KIT: variants seen among roughly 807,000 people sequenced by gnomAD.
The protein encoded by KIT is KIT proto-oncogene, receptor tyrosine kinase.
In KIT, 16 loss-of-function variants were observed where a neutral mutation model predicts 105.7. That is an observed-to-expected ratio of 0.15 (90% CI 0.10 to 0.23). The LOEUF (loss-of-function observed/expected upper bound fraction) is 0.23, where lower values mean the gene tolerates loss of function less well. Ranked by LOEUF, KIT falls within the 10% of genes least tolerant of loss-of-function variation. The probability of loss-of-function intolerance (pLI) is 1.00; values close to 1 mark genes in which losing one functional copy is unlikely to be tolerated. For synonymous variants in KIT, 438 were observed against 441.1 expected (o/e 0.99, Z 0.09); for missense variants, 858 against 1,213.8 (o/e 0.71, Z 4.36).
chr4:54,736,796 G>C lies in KIT; in HGVS notation c.2672G>C (p.Ser891Thr). Reference sequence around the variant, plus strand: ...ATCAAGGAAGGCTTCCGGATGCTCAGCCCTGAACACGCACCTGCTGAAATG... The same window carrying C: ...ATCAAGGAAGGCTTCCGGATGCTCACCCCTGAACACGCACCTGCTGAAATG... ...KMIKEGFRML[S>T]PEHAPAEMYD... Residue 891 changes from serine (S) to threonine (T), a missense_variant, in exon 19 of 21, where the codon AGC becomes ACC. Physicochemically the swap from Ser to Thr is moderately conservative, Grantham distance 58. This residue lies in a region of KIT where 63 missense variants were observed against 137.4 expected (regional missense o/e 0.46). Coordinates refer to ENST00000288135, the MANE Select transcript of KIT (RefSeq NM_000222.3). The C allele has an allele frequency of 6.2e-7, 1 of 1,614,114 alleles. No homozygotes were observed. The highest frequency in any genetic ancestry group is 8.5e-7 in the Non-Finnish European group (1 of 1,179,968).
At chr4:54,711,923 C>T (rs1029452804) in intron 7 of KIT, among the ~76,000 whole-genome samples, 6 of 141,778 alleles carry the variant, frequency 4.2e-5, no homozygotes, top group Middle Eastern at 3.7e-3. Context: ...AACGAGAGTC[C>T]GTCTCAAAAA....
At chr4:54,685,368 T>C (rs995839038) in intron 1 of KIT, among the ~76,000 whole-genome samples, 3 of 152,084 alleles carry the variant, frequency 2.0e-5, no homozygotes, top group African/African-American at 7.3e-5. Context: ...GCACCCCATC[T>C]CCCCATCATG....
rs1722903299 is a variant in KIT, at chr4:54,736,004, A to G, written c.2485-494A>G. On this transcript the variant is annotated intron_variant, in intron 17 of 20. Coordinates refer to ENST00000288135, the MANE Select transcript of KIT (RefSeq NM_000222.3). The stretch of plus-strand genomic sequence containing the variant: ...AGAGGGCAGAGGGCACGTGCCAGCT[A>G]TATTGTAAGGAGGTTTTCCTGAAGC... Among the ~76,000 whole-genome samples the G allele has an allele frequency of 2.0e-5, 3 of 152,264 alleles. No individual in the cohort carries two copies. The South Asian group carries it at 6.2e-4, about 32-fold the overall frequency.
chr4:54,731,417 T>C lies in KIT; in HGVS notation c.2231T>C (p.Ile744Thr), dbSNP rs549887751. 15 of 1,605,986 alleles carry C rather than the reference T, an allele frequency of 9.3e-6. No individual in the cohort carries two copies. In the East Asian group the frequency reaches 2.5e-4, roughly 26 times the overall value. Residue 744 changes from isoleucine (I) to threonine (T), a missense_variant and splice_region_variant, in exon 15 of 21, where the codon ATA becomes ACA. By Grantham distance (89) the Ile-to-Thr change is moderately conservative. Coordinates refer to ENST00000288135, the MANE Select transcript of KIT (RefSeq NM_000222.3). ...TKADKRRSVR[I>T]GSYIERDVTP... is the part of the protein sequence containing the mutation. ...GCCGACAAAAGGAGATCTGTGAGAATAGGTGAGTACCTACCTATCAAGCAA... is the reference window on the plus strand; with the variant it reads ...GCCGACAAAAGGAGATCTGTGAGAACAGGTGAGTACCTACCTATCAAGCAA...
chr4:54,697,249 GATGCA>G (rs1439480881), intron 2 of KIT, among the ~76,000 whole-genome samples: 1 of 152,158 alleles, frequency 6.6e-6, no homozygotes, highest in Admixed American at 6.5e-5. Context: ...AAGGTTGGGA[GATGCA>G]TAATTTATCT....
chr4:54,699,823 T>C (rs1560397092), intron 4 of KIT, 57 bp downstream of exon 4: 3 of 1,600,894 alleles, frequency 1.9e-6, no homozygotes, highest in Non-Finnish European at 1.7e-6. Context: ...TGATAAGTTT[T>C]CTCTTTCAGA....
At chr4:54,695,485 T>G (rs1719992092) in intron 1 of KIT, 27 bp from the exon 2 acceptor site, 2 of 1,613,666 alleles carry the variant, frequency 1.2e-6, no homozygotes, top group Non-Finnish European at 1.7e-6. Flanking sequence ...AAGATCATAC[T>G]CAACACGATT....
intron 1 of KIT, among the ~76,000 whole-genome samples, chr4:54,671,620 A>G (rs540288787): frequency 6.6e-6 from 1 of 152,306 alleles, no homozygotes; most frequent in East Asian, 1.9e-4. Flanking sequence ...TTCAGGGTCT[A>G]CATTTAAGTA....
At chr4:54,724,296 T>A (rs543108044) in intron 8 of KIT, among the ~76,000 whole-genome samples, 47 of 152,326 alleles carry the variant, frequency 3.1e-4, no homozygotes, top group Middle Eastern at 3.4e-3. Context: ...CAGCTGTTTT[T>A]ATCCATCAAT....
intron 1 of KIT, among the ~76,000 whole-genome samples, chr4:54,683,665 A>T (rs192964075): frequency 1.8e-4 from 27 of 152,266 alleles, no homozygotes; most frequent in Non-Finnish European, 1.9e-4. Flanking sequence ...TCTAAAACAC[A>T]CTCACTGGAA....
intron 7 of KIT, among the ~76,000 whole-genome samples, chr4:54,712,354 G>A (rs1721215031): frequency 6.6e-6 from 1 of 152,122 alleles, no homozygotes; most frequent in Non-Finnish European, 1.5e-5. Context: ...TTTATCTCCT[G>A]TGCACCAGCA....
At position 54,739,170 on chromosome 4, in the gene KIT, TAG is replaced by T. The variant is rs1723108023; in HGVS notation, c.*616_*617del. 3.2e-6 allele frequency: 1 copy of T among 310,062 alleles called. No individual in the cohort carries two copies. Among genetic ancestry groups the T allele is most frequent in the Non-Finnish European group, 5.9e-6 (1 of 169,376 alleles). The allele number at this position is 310,062 out of a possible 1,614,324, so 19.2% of individuals were successfully genotyped here. A position where few individuals can be genotyped will look rare whatever the true frequency, so the allele number is the denominator to read the frequency against. On this transcript the variant is annotated 3_prime_UTR_variant, in exon 21 of 21. Coordinates refer to ENST00000288135, the MANE Select transcript of KIT (RefSeq NM_000222.3). The stretch of plus-strand genomic sequence containing the variant: ...TTATACTACCGACCTGGTTTTTAAA[TAG>T]AGTTTGCTATTAGAGCATTGAATTG...
rs376694515 is a variant in KIT, at chr4:54,738,809, G to T, written c.*252G>T. 1,055 of 606,456 alleles carry T rather than the reference G, an allele frequency of 1.7e-3. 2 individuals carry two copies. The highest frequency in any genetic ancestry group is 2.8e-3 in the Non-Finnish European group (945 of 341,582). The allele number at this position is 606,456 out of a possible 1,614,324, so 37.6% of individuals were successfully genotyped here. A position where few individuals can be genotyped will look rare whatever the true frequency, so the allele number is the denominator to read the frequency against. On this transcript the variant is annotated 3_prime_UTR_variant, in exon 21 of 21. Transcript: ENST00000288135. ...CCATGAACAGAAAACATTCTGATTT[G>T]GAAAAAGAGAGGGAGGTATGGACTG...
At chr4:54,699,031 G>C (rs1720274539) in intron 3 of KIT, among the ~76,000 whole-genome samples, 1 of 152,192 alleles carries the variant, frequency 6.6e-6, no homozygotes, top group Non-Finnish European at 1.5e-5. Context: ...GTTGACTGTG[G>C]AACTTGTTAT....
At chr4:54,696,130 A>G (rs963528034) in intron 2 of KIT, among the ~76,000 whole-genome samples, 1 of 152,038 alleles carries the variant, frequency 6.6e-6, no homozygotes, top group African/African-American at 2.4e-5. Context: ...CCCACTTAGT[A>G]AAAACACTTC....
intron 7 of KIT, among the ~76,000 whole-genome samples, chr4:54,715,905 G>A (rs1258338523): frequency 6.6e-6 from 1 of 152,108 alleles, no homozygotes; most frequent in Non-Finnish European, 1.5e-5. Flanking sequence ...CTCAGATTTG[G>A]TCCTTAAGGC....
chr4:54,740,524 A>G lies in KIT; in HGVS notation c.*1967A>G, dbSNP rs1440812926. On this transcript the variant is annotated 3_prime_UTR_variant, in exon 21 of 21. Coordinates refer to ENST00000288135, the MANE Select transcript of KIT (RefSeq NM_000222.3). ...TTTTTGTAAATATTGAAATGTAGCA[A>G]TAATGTCTTTTGAATATTCCCAAGC... is the stretch of plus-strand genomic sequence containing the variant. The G allele has an allele frequency of 8.6e-6, 2 of 233,062 alleles. No homozygotes were observed. The highest frequency in any genetic ancestry group is 8.5e-6 in the Non-Finnish European group (1 of 117,770). 14.4% of individuals were successfully genotyped at this position (233,062 alleles called of 1,614,324 possible).
intron 1 of KIT, among the ~76,000 whole-genome samples, chr4:54,669,718 AAAG>A: frequency 6.6e-6 from 1 of 151,738 alleles, no homozygotes; most frequent in Non-Finnish European, 1.5e-5. Flanking sequence ...AAAAAAAAAA[AAAG>A]AAAGATGTAA....
chr4:54,674,632 C>T (rs1718336960), intron 1 of KIT, among the ~76,000 whole-genome samples: 1 of 152,160 alleles, frequency 6.6e-6, no homozygotes, highest in Non-Finnish European at 1.5e-5. Context: ...AATCTCAACT[C>T]AGAGGTAGCT....
Sources: allele counts gnomAD v4.1 joint callset (sites outside exome capture counted in the v4.1 genomes callset), GRCh38; gene constraint gnomAD v4.1.1; regional missense constraint gnomAD v4.1.1; transcripts MANE v1.5; gene names NCBI Gene and HGNC (gene_info 2026-07-23, HGNC 2026-07-21).